The following GPR139 variants were observed in gnomAD, a reference collection of about 807,000 sequenced individuals.
The protein encoded by GPR139 is probable G protein-coupled receptor 139.
Under a neutral mutation model 25.8 loss-of-function variants are expected in GPR139, and 12 were observed. The ratio of observed to expected loss-of-function variants is 0.47; its 90% confidence interval spans 0.30 to 0.75. GPR139 has a LOEUF of 0.75. Among genes scored for constraint, GPR139 ranks in the 30% least tolerant of loss-of-function variants. GPR139 has a pLI of 0.07. For synonymous variants in GPR139, 184 were observed against 179.9 expected (o/e 1.02, Z -0.18); for missense variants, 380 against 450.2 (o/e 0.84, Z 1.41).
At chr16:20,051,062 C>CAAAA (rs3041359) in intron 1 of GPR139, among the ~76,000 whole-genome samples, 2,979 of 121,320 alleles carry the variant, frequency 0.025, 157 homozygotes, top group African/African-American at 0.081. Flanking sequence ...GACCCTGTTT[C>CAAAA]AAAAAAAAAA....
intron 1 of GPR139, among the ~76,000 whole-genome samples, chr16:20,033,918 C>A (rs1279568693): frequency 6.6e-6 from 1 of 151,390 alleles, no homozygotes; most frequent in Non-Finnish European, 1.5e-5. Context: ...TAAACAGCAG[C>A]AATGTTTTAT....
rs962442904 is a variant in GPR139, at chr16:20,030,169, T to C, written c.*1566A>G. 2.0e-5 allele frequency among the ~76,000 whole-genome samples: 3 copies of C among 152,204 alleles called. No individual in the cohort carries two copies. Among genetic ancestry groups the C allele is most frequent in the Admixed American group, 2.0e-4 (3 of 15,284 alleles). On this transcript the variant is annotated 3_prime_UTR_variant, in exon 2 of 2. Coordinates refer to ENST00000570682, the MANE Select transcript of GPR139 (RefSeq NM_001002911.4). ...GCCATGGGGCCTTTTCTTATCCCAT[T>C]CATTTATTGCAAATTCCCTTAAAAA...
chr16:20,030,741 A>G lies in GPR139; in HGVS notation c.*994T>C, dbSNP rs2057284976. Among the ~76,000 whole-genome samples the G allele has an allele frequency of 6.6e-6, 1 of 152,240 alleles. No individual in the cohort carries two copies. The highest frequency in any genetic ancestry group is 6.5e-5 in the Admixed American group (1 of 15,290). On this transcript the variant is annotated 3_prime_UTR_variant, in exon 2 of 2. Coordinates refer to ENST00000570682, the MANE Select transcript of GPR139 (RefSeq NM_001002911.4). ...CCTCCTCTCATACCCGCAGAGCTGC[A>G]GTTCCTGACCCTTGAATATTAAATT... is the stretch of plus-strand genomic sequence containing the variant.
At chr16:20,042,163 G>C (rs2057338756) in intron 1 of GPR139, among the ~76,000 whole-genome samples, 2 of 152,150 alleles carry the variant, frequency 1.3e-5, no homozygotes, top group Admixed American at 1.3e-4. Context: ...GTAATAAATA[G>C]TACCCACATA....
chr16:20,065,142 C>T lies in GPR139; in HGVS notation c.127+8348G>A, dbSNP rs113168598. Among the ~76,000 whole-genome samples, 140 of 152,190 alleles carry T rather than the reference C, an allele frequency of 9.2e-4. 1 individual carries two copies. The highest frequency in any genetic ancestry group is 2.8e-3 in the African/African-American group (117 of 41,510). Reference sequence around the variant, plus strand: ...AACCCCTGAGTTTGTGAATTGGCAGCGTGCTGGGCCATATCAAGCCTGCAG... The same window carrying T: ...AACCCCTGAGTTTGTGAATTGGCAGTGTGCTGGGCCATATCAAGCCTGCAG... On this transcript the variant is annotated intron_variant, in intron 1 of 1. Coordinates refer to ENST00000570682, the MANE Select transcript of GPR139 (RefSeq NM_001002911.4).
chr16:20,041,149 ACG>A (rs1489096980), intron 1 of GPR139, among the ~76,000 whole-genome samples: 1 of 450 alleles, frequency 2.2e-3, no homozygotes, highest in Non-Finnish European at 5.0e-3. Context: ...AGGAGAGGAG[ACG>A]AGAGGGGAGG....
rs1384807094 is a variant in GPR139, at chr16:20,030,715, ACCT to A, written c.*1017_*1019del. 7.2e-5 allele frequency among the ~76,000 whole-genome samples: 11 copies of A among 152,148 alleles called. No individual in the cohort carries two copies. The highest frequency in any genetic ancestry group is 2.9e-5 in the Non-Finnish European group (2 of 68,034). Reference sequence around the variant, plus strand: ...TGGGCTGTGAGACAGAGCTGAGAACACCTCCTCTCATACCCGCAGAGCTGCAGT... The same window carrying A: ...TGGGCTGTGAGACAGAGCTGAGAACACCTCTCATACCCGCAGAGCTGCAGT... On this transcript the variant is annotated 3_prime_UTR_variant, in exon 2 of 2. Coordinates refer to ENST00000570682, the MANE Select transcript of GPR139 (RefSeq NM_001002911.4).
chr16:20,070,306 A>T (rs1353618204), intron 1 of GPR139, among the ~76,000 whole-genome samples: 1 of 152,202 alleles, frequency 6.6e-6, no homozygotes, highest in African/African-American at 2.4e-5. Context: ...GCACTGAGTG[A>T]GGAATAAGTG....
At chr16:20,071,326 A>C (rs2057458768) in intron 1 of GPR139, among the ~76,000 whole-genome samples, 1 of 152,204 alleles carries the variant, frequency 6.6e-6, no homozygotes, top group Admixed American at 6.5e-5. Flanking sequence ...GTGGGCTGTT[A>C]ACAAAACTGC....
At chr16:20,061,525 G>A (rs2057414511) in intron 1 of GPR139, among the ~76,000 whole-genome samples, 1 of 152,250 alleles carries the variant, frequency 6.6e-6, no homozygotes, top group East Asian at 1.9e-4. Context: ...TGTGCTCTCT[G>A]ATTTCTCTTC....
chr16:20,072,685 C>T (rs1313234559), intron 1 of GPR139, among the ~76,000 whole-genome samples: 2 of 152,192 alleles, frequency 1.3e-5, no homozygotes, highest in Non-Finnish European at 2.9e-5. Flanking sequence ...GAATTCAGGA[C>T]AAGTCTCAGC....
chr16:20,051,291 A>C (rs1340693733), intron 1 of GPR139, among the ~76,000 whole-genome samples: 1 of 152,090 alleles, frequency 6.6e-6, no homozygotes, highest in Non-Finnish European at 1.5e-5. Context: ...CTCCCACACA[A>C]TGCACACCCT....
In GPR139 at chr16:20,047,274, C is replaced by T. The variant is rs532683203; in HGVS notation, c.128-14605G>A. Among the ~76,000 whole-genome samples the T allele has an allele frequency of 1.4e-4, 21 of 152,146 alleles. No homozygotes were observed. The South Asian group carries it at 4.0e-3, about 29-fold the overall frequency. ...TACAAGCACCCACCACCATGCCTGG[C>T]TAAATTTTGTATTTTTAATAGAGAT... On this transcript the variant is annotated intron_variant, in intron 1 of 1. Coordinates refer to ENST00000570682, the MANE Select transcript of GPR139 (RefSeq NM_001002911.4).
chr16:20,035,409 A>G (rs2057306511), intron 1 of GPR139, among the ~76,000 whole-genome samples: 1 of 152,244 alleles, frequency 6.6e-6, no homozygotes, highest in Non-Finnish European at 1.5e-5. Context: ...CTGCTTCAGA[A>G]AAGAGACCCA....
At chr16:20,062,814 AC>A (rs1177532816) in intron 1 of GPR139, among the ~76,000 whole-genome samples, 1 of 152,266 alleles carries the variant, frequency 6.6e-6, no homozygotes, top group Non-Finnish European at 1.5e-5. Flanking sequence ...TTAACTATAT[AC>A]ATCCAAAATG....
chr16:20,068,256 A>AAAG (rs1555467126), intron 1 of GPR139, among the ~76,000 whole-genome samples: 3,162 of 137,096 alleles, frequency 0.023, 101 homozygotes, highest in African/African-American at 0.067. Context: ...AAAAAAAAAA[A>AAAG]AAGAAAGGAG....
chr16:20,050,122 A>T (rs56413634), intron 1 of GPR139, among the ~76,000 whole-genome samples: 12,400 of 152,268 alleles, frequency 0.081, 589 homozygotes, highest in Non-Finnish European at 0.11. Flanking sequence ...AGCTCCATGA[A>T]GGAATAAGAC....
Position 20,059,842 on chromosome 16 carries a change from T to C in GPR139, c.127+13648A>G, listed in dbSNP as rs2057404441. 3.9e-5 allele frequency among the ~76,000 whole-genome samples: 6 copies of C among 152,302 alleles called. No homozygotes were observed. The South Asian group carries it at 1.2e-3, about 32-fold the overall frequency. The stretch of plus-strand genomic sequence containing the variant: ...CTCACAGTCTTGCAGCTAACAACGT[T>C]GCAGCACTGAACTCAAGCCCAGGTG... On this transcript the variant is annotated intron_variant, in intron 1 of 1. Coordinates refer to ENST00000570682, the MANE Select transcript of GPR139 (RefSeq NM_001002911.4).
rs1451527076 is a variant in GPR139 at position 20,031,072 on chromosome 16, G to A, written c.*663C>T. On this transcript the variant is annotated 3_prime_UTR_variant, in exon 2 of 2. Coordinates refer to ENST00000570682, the MANE Select transcript of GPR139 (RefSeq NM_001002911.4). ...TATACATAATGATAAATAGAAAACT[G>A]CCTTTTAGACCCCAGGTTTGAGGTC... 6.6e-6 allele frequency among the ~76,000 whole-genome samples: 1 copy of A among 152,084 alleles called. No individual in the cohort carries two copies. Among genetic ancestry groups the A allele is most frequent in the African/African-American group, 2.4e-5 (1 of 41,398 alleles).
Sources: gnomAD v4.1 joint callset for allele counts (sites outside exome capture counted in the v4.1 genomes callset) on GRCh38, gnomAD v4.1.1 for gene constraint, MANE v1.5 for transcripts, NCBI Gene and HGNC (gene_info 2026-07-23, HGNC 2026-07-21) for gene names.